SRGAP3: variants seen among roughly 807,000 people sequenced by gnomAD.
SRGAP3 encodes SLIT-ROBO Rho GTPase activating protein 3, also known as SLIT-ROBO Rho GTPase-activating protein 3.
A neutral mutation model predicts 121.1 loss-of-function variants in SRGAP3; 39 were observed. The ratio of observed to expected loss-of-function variants is 0.32; its 90% CI spans 0.25 to 0.42. The LOEUF is 0.42. Among genes scored for constraint, SRGAP3 ranks in the 10% least tolerant of loss-of-function variants. SRGAP3 has a pLI of 1.00. For missense variants in SRGAP3, 1,213 were observed against 1,470.6 expected (o/e 0.82, Z 2.86); for synonymous variants, 601 against 570.0 (o/e 1.05, Z -0.77).
At chr3:9,037,057 C>A (rs1944780922) in intron 11 of SRGAP3, 2 of 152,150 alleles carry the variant, frequency 1.3e-5, no homozygotes, top group Admixed American at 1.3e-4. Flanking sequence ...AGACTTTGCC[C>A]AACTCCCTTC....
At chr3:9,201,341 A>G (rs1160713846) in intron 1 of SRGAP3, among the ~76,000 whole-genome samples, 1 of 152,200 alleles carries the variant, frequency 6.6e-6, no homozygotes, top group East Asian at 1.9e-4. Context: ...AGCCCAGGTG[A>G]TAGAAAAGCC....
intron 1 of SRGAP3, among the ~76,000 whole-genome samples, chr3:9,335,732 T>C (rs1431674646): frequency 6.6e-6 from 1 of 152,236 alleles, no homozygotes; most frequent in African/African-American, 2.4e-5. Context: ...TCACACTGGT[T>C]CTCAATCCTA....
At chr3:9,358,229 C>A (rs1209293072) in intron 1 of SRGAP3, among the ~76,000 whole-genome samples, 1 of 151,902 alleles carries the variant, frequency 6.6e-6, no homozygotes, top group Non-Finnish European at 1.5e-5. Flanking sequence ...TTAGCTATCA[C>A]CTGCCAACCC....
intron 3 of SRGAP3, among the ~76,000 whole-genome samples, chr3:9,323,949 A>T (rs528011150): frequency 1.3e-5 from 2 of 151,996 alleles, no homozygotes; most frequent in South Asian, 4.2e-4. Flanking sequence ...CAGCCCCCAG[A>T]ATCACAACAG....
At chr3:9,313,143 C>T (rs1472072305) in intron 3 of SRGAP3, among the ~76,000 whole-genome samples, 1 of 152,194 alleles carries the variant, frequency 6.6e-6, no homozygotes, top group Non-Finnish European at 1.5e-5. Context: ...CCACTCCTCC[C>T]AAACTGGCTT....
At chr3:9,360,883 T>C (rs187824905) in intron 1 of SRGAP3, among the ~76,000 whole-genome samples, 6 of 152,332 alleles carry the variant, frequency 3.9e-5, no homozygotes, top group Non-Finnish European at 5.9e-5. Context: ...ATATATCATT[T>C]TGTATTTTCA....
chr3:9,353,178 A>T (rs917794317), intron 1 of SRGAP3, among the ~76,000 whole-genome samples: 2 of 152,218 alleles, frequency 1.3e-5, no homozygotes, highest in African/African-American at 2.4e-5. Flanking sequence ...ATGGCTATCC[A>T]TGTTTACCTA....
intron 3 of SRGAP3, among the ~76,000 whole-genome samples, chr3:9,306,171 G>C (rs1249463195): frequency 6.6e-6 from 1 of 152,302 alleles, no homozygotes; most frequent in African/African-American, 2.4e-5. Context: ...CAGTGATGAC[G>C]AGCATTTTTT....
At chr3:9,222,712 A>C (rs1952854200) in intron 1 of SRGAP3, among the ~76,000 whole-genome samples, 1 of 152,200 alleles carries the variant, frequency 6.6e-6, no homozygotes, top group African/African-American at 2.4e-5. Flanking sequence ...TCCTAACACA[A>C]ATATCATGGT....
intron 3 of SRGAP3, among the ~76,000 whole-genome samples, chr3:9,316,518 G>T (rs1157652304): frequency 6.6e-6 from 1 of 152,050 alleles, no homozygotes; most frequent in African/African-American, 2.4e-5. Flanking sequence ...AATTAGCTGG[G>T]CATGGTGGCG....
chr3:8,985,107 TAC>T lies in SRGAP3; in HGVS notation c.*410_*411del. The T allele has an allele frequency of 3.8e-6, 1 of 262,352 alleles. No individual in the cohort carries two copies. 16.3% of individuals were successfully genotyped at this position (262,352 alleles called of 1,614,324 possible). A position where few individuals can be genotyped will look rare whatever the true frequency, so the allele number is the denominator to read the frequency against. On this transcript the variant is annotated 3_prime_UTR_variant, in exon 22 of 22. Coordinates refer to ENST00000383836, the MANE Select transcript of SRGAP3 (RefSeq NM_014850.4). The surrounding 1 kb of genome is among the most constrained non-coding windows in gnomAD (Gnocchi z 5.1). ...ATAGATGCATAAATATATATATATA[TAC>T]ACACACCTACAGACACGTACATACG...
chr3:9,166,591 A>G lies in SRGAP3; in HGVS notation c.68-41674T>C, dbSNP rs369648252. Among the ~76,000 whole-genome samples the G allele has an allele frequency of 2.0e-5, 3 of 152,316 alleles. No individual in the cohort carries two copies. The East Asian group carries it at 5.8e-4, about 29-fold the overall frequency. ...GAGCAACAATGTAGAAGGAACGAGG[A>G]CCCTGAATGACCTCATGGAGCAGAG... On this transcript the variant is annotated intron_variant, in intron 1 of 21. Coordinates refer to ENST00000383836, the MANE Select transcript of SRGAP3 (RefSeq NM_014850.4).
At chr3:9,321,033 G>A (rs1955430807) in intron 3 of SRGAP3, among the ~76,000 whole-genome samples, 1 of 150,984 alleles carries the variant, frequency 6.6e-6, no homozygotes, top group Non-Finnish European at 1.5e-5. Flanking sequence ...CGTGGTGGAA[G>A]TAATGCTTTG....
intron 1 of SRGAP3, chr3:9,217,779 A>C (rs1384564049): frequency 6.6e-6 from 1 of 152,150 alleles, no homozygotes; most frequent in East Asian, 1.9e-4. Flanking sequence ...TTTAGGGCAG[A>C]CAACTTCATT....
At chr3:9,108,170 A>C (rs1480172329) in intron 2 of SRGAP3, among the ~76,000 whole-genome samples, 3 of 152,174 alleles carry the variant, frequency 2.0e-5, no homozygotes, top group African/African-American at 7.2e-5. Context: ...CATAGTTCTC[A>C]ACCTGTCCTG....
At chr3:9,177,402 G>A (rs1226452516) in intron 1 of SRGAP3, among the ~76,000 whole-genome samples, 1 of 152,208 alleles carries the variant, frequency 6.6e-6, no homozygotes, top group East Asian at 1.9e-4. Flanking sequence ...TTTGGAAGGA[G>A]GAATGGTGAG....
At chr3:9,106,016 G>A (rs1464683204) in intron 2 of SRGAP3, among the ~76,000 whole-genome samples, 1 of 152,080 alleles carries the variant, frequency 6.6e-6, no homozygotes, top group African/African-American at 2.4e-5. Context: ...AAAACAGAAT[G>A]GTTTTATGTG....
intron 3 of SRGAP3, among the ~76,000 whole-genome samples, chr3:9,272,500 C>A (rs1279326149): frequency 6.6e-6 from 1 of 152,272 alleles, no homozygotes; most frequent in East Asian, 1.9e-4. Context: ...TGGAATCTTA[C>A]AGTATTCGTC....
At chr3:9,028,026 T>C in intron 12 of SRGAP3, 1 of 1,570,142 alleles carries the variant, frequency 6.4e-7, no homozygotes, top group Admixed American at 1.7e-5. Flanking sequence ...CAAGGTGGGC[T>C]CTGTTCTGGA....
Sources: gnomAD v4.1 joint callset for allele counts (sites outside exome capture counted in the v4.1 genomes callset) on GRCh38, gnomAD v4.1.1 for gene constraint, Gnocchi (gnomAD v3.1) non-coding constraint, MANE v1.5 for transcripts, NCBI Gene and HGNC (gene_info 2026-07-23, HGNC 2026-07-21) for gene names.